GABRG3: variants seen among roughly 807,000 people sequenced by gnomAD.
GABRG3 encodes the protein gamma-aminobutyric acid type A receptor subunit gamma3.
GABRG3 carries 25 observed loss-of-function variants against 48.8 expected under a neutral mutation model. The ratio of observed to expected loss-of-function variants is 0.51; its 90% CI spans 0.37 to 0.72. The LOEUF (loss-of-function observed/expected upper bound fraction) is 0.72, where lower values mean the gene tolerates loss of function less well. Ranked by LOEUF, GABRG3 falls within the 30% of genes least tolerant of loss-of-function variation. The probability of loss-of-function intolerance (pLI) is 0.00; values close to 1 mark genes in which losing one functional copy is unlikely to be tolerated. For missense variants in GABRG3, 394 were observed against 577.9 expected, an observed-to-expected ratio of 0.68 and a Z score of 3.26; for synonymous variants, 227 against 217.6, an observed-to-expected ratio of 1.04 and a Z score of -0.38.
In GABRG3 at chr15:26,971,520, C is replaced by T. The variant is rs1258560213; in HGVS notation, c.-16C>T. The T allele has an allele frequency of 1.3e-6, 2 of 1,512,882 alleles. No individual in the cohort carries two copies. The highest frequency in any genetic ancestry group is 1.8e-6 in the Non-Finnish European group (2 of 1,130,678). 93.7% of individuals were successfully genotyped at this position (1,512,882 alleles called of 1,614,324 possible). ...GGCCGAGGCCCCGGACCCTGCGCCCCGAGCTCCACGGCACCATGGCCCCGA... is the reference window on the plus strand; with the variant it reads ...GGCCGAGGCCCCGGACCCTGCGCCCTGAGCTCCACGGCACCATGGCCCCGA... On this transcript the variant is annotated 5_prime_UTR_variant, in exon 1 of 10. Coordinates refer to ENST00000615808, the MANE Select transcript of GABRG3 (RefSeq NM_033223.5).
At chr15:27,037,133 C>T (rs1330159758) in intron 3 of GABRG3, among the ~76,000 whole-genome samples, 1 of 152,164 alleles carries the variant, frequency 6.6e-6, no homozygotes, top group Middle Eastern at 3.2e-3. Flanking sequence ...GCTTCTCCCT[C>T]ACAGCCCCCA....
At chr15:27,341,687 C>T (rs988850806) in intron 5 of GABRG3, among the ~76,000 whole-genome samples, 3 of 152,112 alleles carry the variant, frequency 2.0e-5, no homozygotes, top group South Asian at 2.1e-4. Flanking sequence ...TCTGCGCTCT[C>T]GGGATCAATA....
At chr15:27,196,517 T>C (rs1156448275) in intron 3 of GABRG3, among the ~76,000 whole-genome samples, 3 of 152,214 alleles carry the variant, frequency 2.0e-5, no homozygotes, top group Non-Finnish European at 4.4e-5. Flanking sequence ...AGGGCTCTTG[T>C]TTCTAAAATA....
intron 5 of GABRG3, among the ~76,000 whole-genome samples, chr15:27,415,595 AT>A (rs1314619035): frequency 6.6e-6 from 1 of 152,148 alleles, no homozygotes; most frequent in East Asian, 1.9e-4. Context: ...CATCTCAGAA[AT>A]GCCCACTAAA....
intron 3 of GABRG3, among the ~76,000 whole-genome samples, chr15:27,097,181 T>C (rs1595522751): frequency 6.6e-6 from 1 of 152,024 alleles, no homozygotes; most frequent in African/African-American, 2.4e-5. Context: ...CAGATCCTTC[T>C]ACCAGACTTT....
At chr15:27,344,689 T>C (rs747912995) in intron 5 of GABRG3, among the ~76,000 whole-genome samples, 2 of 142,484 alleles carry the variant, frequency 1.4e-5, no homozygotes, top group African/African-American at 2.6e-5. Flanking sequence ...GATTAACTAA[T>C]TGGGAAATTA....
chr15:27,308,321 T>TCATATAA, intron 3 of GABRG3, among the ~76,000 whole-genome samples: 1 of 142,338 alleles, frequency 7.0e-6, no homozygotes. Flanking sequence ...TATATAAACA[T>TCATATAA]ACGTTTATAT....
chr15:27,427,955 T>C (rs1888340304), intron 5 of GABRG3: 1 of 152,206 alleles, frequency 6.6e-6, no homozygotes, highest in East Asian at 1.9e-4. Flanking sequence ...CAAACATCAC[T>C]AACTCCACCC....
intron 3 of GABRG3, among the ~76,000 whole-genome samples, chr15:27,254,537 C>T (rs2140462068): frequency 6.6e-6 from 1 of 152,140 alleles, no homozygotes. Flanking sequence ...GTTTTGGAAG[C>T]AGGGAAGTGC....
At chr15:27,024,116 G>A (rs1895944390) in intron 2 of GABRG3, among the ~76,000 whole-genome samples, 1 of 151,978 alleles carries the variant, frequency 6.6e-6, no homozygotes, top group African/African-American at 2.4e-5. Flanking sequence ...TCTTCTTGGG[G>A]GAAATGTCTA....
chr15:27,080,432 C>G (rs895268427), intron 3 of GABRG3, among the ~76,000 whole-genome samples: 3 of 152,110 alleles, frequency 2.0e-5, no homozygotes, highest in Non-Finnish European at 2.9e-5. Context: ...GGTGACAGAA[C>G]AAGACTTCAT....
At chr15:27,066,036 TA>T (rs1896732732) in intron 3 of GABRG3, among the ~76,000 whole-genome samples, 1 of 152,232 alleles carries the variant, frequency 6.6e-6, no homozygotes, top group South Asian at 2.1e-4. Flanking sequence ...CATACTCCTA[TA>T]CTGTTGCTCA....
chr15:27,467,853 C>G (rs939453019), intron 5 of GABRG3, among the ~76,000 whole-genome samples: 9 of 152,220 alleles, frequency 5.9e-5, no homozygotes, highest in African/African-American at 2.2e-4. Context: ...CACTTACCTT[C>G]AGTCAACCTG....
intron 5 of GABRG3, chr15:27,365,601 A>C (rs181471574): frequency 6.6e-6 from 1 of 152,362 alleles, no homozygotes; most frequent in Admixed American, 6.5e-5. Flanking sequence ...GCCAGGGCAC[A>C]GGTGACACTG....
chr15:26,987,248 T>C (rs1895169469), intron 2 of GABRG3, among the ~76,000 whole-genome samples: 1 of 152,184 alleles, frequency 6.6e-6, no homozygotes, highest in South Asian at 2.1e-4. Flanking sequence ...GGGCATCAGG[T>C]GCCTTCCATA....
intron 3 of GABRG3, among the ~76,000 whole-genome samples, chr15:27,055,017 T>G (rs867027557): frequency 3.3e-5 from 5 of 151,736 alleles, no homozygotes; most frequent in Non-Finnish European, 5.9e-5. Flanking sequence ...TTTTTTTTTT[T>G]TTTTTTTTTT....
At chr15:27,397,891 G>A (rs979460087) in intron 5 of GABRG3, among the ~76,000 whole-genome samples, 8 of 147,714 alleles carry the variant, frequency 5.4e-5, no homozygotes, top group African/African-American at 1.8e-4. Context: ...TGCAAGCTCC[G>A]CCTCCCAGGT....
At chr15:27,062,980 A>T (rs542379151) in intron 3 of GABRG3, among the ~76,000 whole-genome samples, 9 of 152,350 alleles carry the variant, frequency 5.9e-5, no homozygotes, top group African/African-American at 2.2e-4. Context: ...TAGAAAAGAA[A>T]TTCATGTATC....
At chr15:27,308,485 T>C (rs1054388185) in intron 3 of GABRG3, among the ~76,000 whole-genome samples, 3 of 148,062 alleles carry the variant, frequency 2.0e-5, no homozygotes, top group Admixed American at 6.8e-5. Flanking sequence ...ACATATAATG[T>C]AAACATACAT....
Sources: allele counts gnomAD v4.1 joint callset (sites outside exome capture counted in the v4.1 genomes callset), GRCh38; gene constraint gnomAD v4.1.1; transcripts MANE v1.5; gene names NCBI Gene and HGNC (gene_info 2026-07-23, HGNC 2026-07-21).